The following BMPER variants were observed in gnomAD, a reference collection of about 807,000 sequenced individuals.
BMPER encodes BMP-binding endothelial regulator protein.
In BMPER, 45 loss-of-function variants were observed where a neutral mutation model predicts 87.3. The ratio of observed to expected loss-of-function variants is 0.52; its 90% CI spans 0.41 to 0.66. The LOEUF (loss-of-function observed/expected upper bound fraction) is 0.66. BMPER is among the 30% of genes least tolerant of loss of function. BMPER has a pLI of 0.00. For missense variants in BMPER, 784 were observed against 867.5 expected (o/e 0.90, Z 1.21); for synonymous variants, 326 against 316.2 (o/e 1.03, Z -0.33).
At position 34,069,938 on chromosome 7, in the gene BMPER, A is replaced by T. The variant is rs1347976616; in HGVS notation, c.1078+7891A>T. On this transcript the variant is annotated intron_variant, in intron 11 of 14. Transcript: ENST00000649409. ...TCTTATCTCTGTTCCCTTCCGCGTT[A>T]GTACTCTCTGCCCTCATTCATTGCT... 2.0e-5 allele frequency among the ~76,000 whole-genome samples: 3 copies of T among 152,088 alleles called. 1 individual carries two copies. Among genetic ancestry groups the T allele is most frequent in the Non-Finnish European group, 4.4e-5 (3 of 68,008 alleles).
intron 6 of BMPER, among the ~76,000 whole-genome samples, chr7:34,041,452 T>C (rs1787830352): frequency 6.6e-6 from 1 of 152,158 alleles, no homozygotes; most frequent in Non-Finnish European, 1.5e-5. Flanking sequence ...GACTATTCTT[T>C]GCAGACCAAA....
At chr7:34,069,140 G>A in intron 11 of BMPER, among the ~76,000 whole-genome samples, 1 of 152,168 alleles carries the variant, frequency 6.6e-6, no homozygotes, top group East Asian at 1.9e-4. Flanking sequence ...CAGGAAAATT[G>A]CAAGTATCCA....
intron 6 of BMPER, among the ~76,000 whole-genome samples, chr7:34,018,118 A>T (rs1035206343): frequency 6.6e-6 from 1 of 151,922 alleles, no homozygotes; most frequent in Non-Finnish European, 1.5e-5. Context: ...GCATTGATTG[A>T]GTTTGAAGTC....
chr7:34,004,307 T>A (rs138226365), intron 6 of BMPER, among the ~76,000 whole-genome samples: 3 of 152,264 alleles, frequency 2.0e-5, no homozygotes, highest in Admixed American at 1.3e-4. Context: ...TTTATTTTTC[T>A]TTAGACTTTC....
At chr7:34,038,094 A>C (rs913385331) in intron 6 of BMPER, among the ~76,000 whole-genome samples, 3 of 152,196 alleles carry the variant, frequency 2.0e-5, no homozygotes, top group African/African-American at 7.2e-5. Context: ...TCCATGTCCT[A>C]ATCTCCAAAA....
At chr7:34,029,814 G>A (rs1783212867) in intron 6 of BMPER, among the ~76,000 whole-genome samples, 1 of 152,050 alleles carries the variant, frequency 6.6e-6, no homozygotes, top group African/African-American at 2.4e-5. Context: ...TAAAGGCATG[G>A]AAACCACATG....
chr7:34,154,335 C>G lies in BMPER; in HGVS notation c.*1062C>G, dbSNP rs554485723. ...CTCAGTCCAAAGAACAGTCTCTATA[C>G]TTGCCCTCATTTACTGATAGGCTGC... On this transcript the variant is annotated 3_prime_UTR_variant, in exon 15 of 15. Coordinates refer to ENST00000649409, the MANE Select transcript of BMPER (RefSeq NM_001365308.1). The G allele has an allele frequency of 6.6e-6, 1 of 152,320 alleles. No individual in the cohort carries two copies. The highest frequency in any genetic ancestry group is 1.5e-5 in the Non-Finnish European group (1 of 68,026). 9.4% of individuals were successfully genotyped at this position (152,320 alleles called of 1,614,324 possible). A position where few individuals can be genotyped will look rare whatever the true frequency, so the allele number is the denominator to read the frequency against.
intron 13 of BMPER, among the ~76,000 whole-genome samples, chr7:34,105,124 A>G (rs939783348): frequency 1.4e-4 from 21 of 152,282 alleles, no homozygotes; most frequent in Non-Finnish European, 1.2e-4. Flanking sequence ...ATGTGTCTAC[A>G]TGTTCTGGGC....
chr7:34,127,831 C>A (rs1206889077), intron 13 of BMPER, among the ~76,000 whole-genome samples: 2 of 152,090 alleles, frequency 1.3e-5, no homozygotes, highest in African/African-American at 4.8e-5. Context: ...GGTGTCTTTC[C>A]CTCTTGGAAA....
Position 33,924,498 on chromosome 7 carries a change from G to A in BMPER, c.220-12791G>A, listed in dbSNP as rs115308598. On this transcript the variant is annotated intron_variant, in intron 2 of 14. Transcript: ENST00000649409. ...CCCTCTCACCGTGCTCCAGCTGCGC[G>A]CTGTGCTCCTCCTTACTCCTACGGG... is the stretch of plus-strand genomic sequence containing the variant. Among the ~76,000 whole-genome samples, 164 of 152,262 alleles carry A rather than the reference G, an allele frequency of 1.1e-3. 1 individual carries two copies. Among genetic ancestry groups the A allele is most frequent in the African/African-American group, 3.8e-3 (158 of 41,574 alleles).
intron 13 of BMPER, among the ~76,000 whole-genome samples, chr7:34,118,973 ATCTC>A (rs150887903): frequency 3.9e-5 from 5 of 127,694 alleles, no homozygotes; most frequent in Non-Finnish European, 8.6e-5. Context: ...ATTCCTTAAA[ATCTC>A]TCTCTCTCTC....
chr7:33,945,544 C>A (rs1050452359), intron 3 of BMPER, among the ~76,000 whole-genome samples: 1 of 152,080 alleles, frequency 6.6e-6, no homozygotes, highest in Non-Finnish European at 1.5e-5. Context: ...AAGCCACCGT[C>A]CCTGGCCAGT....
intron 13 of BMPER, among the ~76,000 whole-genome samples, chr7:34,127,427 G>T (rs1213756086): frequency 6.6e-6 from 1 of 152,060 alleles, no homozygotes; most frequent in Non-Finnish European, 1.5e-5. Flanking sequence ...TGGTACTGTA[G>T]CTTAGAAGCA....
intron 3 of BMPER, among the ~76,000 whole-genome samples, chr7:33,939,255 A>T (rs1317547117): frequency 6.6e-6 from 1 of 152,056 alleles, no homozygotes; most frequent in Non-Finnish European, 1.5e-5. Context: ...TGACCTGCTA[A>T]TTCCTTTATC....
chr7:34,086,417 A>G (rs1438596080), intron 13 of BMPER, among the ~76,000 whole-genome samples: 1 of 152,196 alleles, frequency 6.6e-6, no homozygotes, highest in Admixed American at 6.5e-5. Flanking sequence ...GGCTTCCCAA[A>G]TTCTGGCCTA....
chr7:34,010,638 C>T (rs1786852155), intron 6 of BMPER, among the ~76,000 whole-genome samples: 1 of 151,824 alleles, frequency 6.6e-6, no homozygotes, highest in Admixed American at 6.6e-5. Flanking sequence ...TCACAAGTAT[C>T]CACTGATATA....
chr7:33,940,715 A>G (rs1784729869), intron 3 of BMPER, among the ~76,000 whole-genome samples: 1 of 151,770 alleles, frequency 6.6e-6, no homozygotes, highest in Non-Finnish European at 1.5e-5. Flanking sequence ...TTCTTGCTCA[A>G]TGAGAGTGAT....
intron 6 of BMPER, among the ~76,000 whole-genome samples, chr7:34,023,460 G>C (rs1787252982): frequency 6.6e-6 from 1 of 152,042 alleles, no homozygotes; most frequent in South Asian, 2.1e-4. Context: ...GTTAGTCATA[G>C]AATCAGCTCC....
At chr7:33,910,220 T>C (rs1051680283) in intron 2 of BMPER, among the ~76,000 whole-genome samples, 1 of 152,208 alleles carries the variant, frequency 6.6e-6, no homozygotes, top group Non-Finnish European at 1.5e-5. Flanking sequence ...AAAATGGTCT[T>C]TTATGGGGCC....
Sources: allele counts gnomAD v4.1 joint callset (sites outside exome capture counted in the v4.1 genomes callset), GRCh38; gene constraint gnomAD v4.1.1; transcripts MANE v1.5; gene names NCBI Gene and HGNC (gene_info 2026-07-23, HGNC 2026-07-21).